Variants in CDK17 observed in about 807,000 individuals in gnomAD.
The protein encoded by CDK17 is cyclin dependent kinase 17.
A neutral mutation model predicts 77.6 loss-of-function variants in CDK17; 24 were observed. The ratio of observed to expected loss-of-function variants is 0.31; its 90% CI spans 0.22 to 0.44. The LOEUF (loss-of-function observed/expected upper bound fraction) is 0.44, where lower values mean the gene tolerates loss of function less well. CDK17 is among the 20% of genes least tolerant of loss of function. The pLI is 1.00. For missense variants in CDK17, 429 were observed against 622.5 expected, an observed-to-expected ratio of 0.69 and a Z score of 3.31; for synonymous variants, 203 against 210.4, an observed-to-expected ratio of 0.96 and a Z score of 0.30.
chr12:96,359,517 G>C (rs1182367616), intron 1 of CDK17, among the ~76,000 whole-genome samples: 1 of 152,134 alleles, frequency 6.6e-6, no homozygotes, highest in Non-Finnish European at 1.5e-5. Flanking sequence ...GTGTCCATCT[G>C]GGGTATTACA....
intron 1 of CDK17, among the ~76,000 whole-genome samples, chr12:96,387,655 C>T (rs1293461677): frequency 6.6e-6 from 1 of 152,158 alleles, no homozygotes; most frequent in South Asian, 2.1e-4. Context: ...TTCAGAAAAA[C>T]GTGAGGCAGG....
At chr12:96,340,724 A>G (rs1007628104) in intron 1 of CDK17, among the ~76,000 whole-genome samples, 1 of 152,214 alleles carries the variant, frequency 6.6e-6, no homozygotes, top group African/African-American at 2.4e-5. Flanking sequence ...AATATTTACT[A>G]TAATAGGGCA....
At chr12:96,385,287 C>G (rs1424126168) in intron 1 of CDK17, among the ~76,000 whole-genome samples, 1 of 152,074 alleles carries the variant, frequency 6.6e-6, no homozygotes. Flanking sequence ...GCACTCCAGC[C>G]TGGGCGACAG....
At chr12:96,348,351 C>T (rs1024516827) in intron 1 of CDK17, among the ~76,000 whole-genome samples, 1 of 151,332 alleles carries the variant, frequency 6.6e-6, no homozygotes, top group Non-Finnish European at 1.5e-5. Context: ...ATGGTGAAAC[C>T]CCATCTCTAC....
chr12:96,297,821 T>C, intron 7 of CDK17, 100 bp from the exon 8 acceptor site: 2 of 674,988 alleles, frequency 3.0e-6, no homozygotes, highest in South Asian at 4.1e-5. Context: ...CTCTTAAGTT[T>C]AGGTCTTGGG....
At chr12:96,348,523 C>CAAAAAAAAAAAAAA (rs35363324) in intron 1 of CDK17, among the ~76,000 whole-genome samples, 1 of 66,370 alleles carries the variant, frequency 1.5e-5, no homozygotes, top group African/African-American at 7.3e-5. Context: ...GACTCTGTCT[C>CAAAAAAAAAAAAAA]AAAAAAAAAA....
At chr12:96,303,932 T>C (rs1952541348) in intron 5 of CDK17, among the ~76,000 whole-genome samples, 1 of 152,206 alleles carries the variant, frequency 6.6e-6, no homozygotes, top group African/African-American at 2.4e-5. Flanking sequence ...CTGAAACCTG[T>C]ATGTACTAGG....
At chr12:96,394,857 T>G (rs1185309746) in intron 1 of CDK17, among the ~76,000 whole-genome samples, 2 of 139,040 alleles carry the variant, frequency 1.4e-5, no homozygotes, top group Non-Finnish European at 3.0e-5. Flanking sequence ...TTATTTTTAT[T>G]TATTATTTAT....
At chr12:96,341,236 T>C (rs952447964) in intron 1 of CDK17, among the ~76,000 whole-genome samples, 2 of 152,088 alleles carry the variant, frequency 1.3e-5, no homozygotes, top group Admixed American at 6.6e-5. Flanking sequence ...CACATTTCAG[T>C]GTAAATGTCA....
At chr12:96,369,057 C>T (rs990144067) in intron 1 of CDK17, among the ~76,000 whole-genome samples, 8 of 151,942 alleles carry the variant, frequency 5.3e-5, no homozygotes, top group Non-Finnish European at 4.4e-5. Context: ...AAAAGTAGGC[C>T]TGTGATAGGT....
At chr12:96,358,540 G>C (rs1231624554) in intron 1 of CDK17, among the ~76,000 whole-genome samples, 5 of 151,856 alleles carry the variant, frequency 3.3e-5, no homozygotes, top group African/African-American at 1.2e-4. Flanking sequence ...AAGGATACAG[G>C]GGCCGGGCAC....
chr12:96,303,208 G>C lies in CDK17; in HGVS notation c.544-2848C>G, dbSNP rs929850876. 4.6e-5 allele frequency: 7 copies of C among 152,132 alleles called. 1 individual carries two copies. The highest frequency in any genetic ancestry group is 2.6e-4 in the Admixed American group (4 of 15,268). 9.4% of individuals were successfully genotyped at this position (152,132 alleles called of 1,614,324 possible). A position where few individuals can be genotyped will look rare whatever the true frequency, so the allele number is the denominator to read the frequency against. ...TTATTCAACATTTACCCAGCACAAT[G>C]TTAGGTGCTAGAGAAGACAGACATG... On this transcript the variant is annotated intron_variant, in intron 5 of 16. Transcript: ENST00000261211.
intron 3 of CDK17, among the ~76,000 whole-genome samples, chr12:96,319,158 A>T (rs958834346): frequency 1.3e-3 from 201 of 151,324 alleles, no homozygotes; most frequent in African/African-American, 4.7e-3. Flanking sequence ...CCATCAGAGA[A>T]TACTACAAAC....
intron 1 of CDK17, among the ~76,000 whole-genome samples, chr12:96,391,101 A>G (rs1408683687): frequency 6.6e-6 from 1 of 152,014 alleles, no homozygotes; most frequent in Non-Finnish European, 1.5e-5. Flanking sequence ...AAAAAAAGAA[A>G]AACAAAGCTT....
At chr12:96,390,833 C>A (rs150759071) in intron 1 of CDK17, among the ~76,000 whole-genome samples, 1 of 148,854 alleles carries the variant, frequency 6.7e-6, no homozygotes, top group East Asian at 2.0e-4. Context: ...CTGGGTGTGG[C>A]GGCTCAAACC....
At chr12:96,337,071 A>C (rs950688094) in intron 1 of CDK17, among the ~76,000 whole-genome samples, 8 of 152,230 alleles carry the variant, frequency 5.3e-5, no homozygotes, top group Non-Finnish European at 1.2e-4. Context: ...AAAGGATTTA[A>C]TTTTTATTTT....
At chr12:96,331,710 A>G (rs999419979) in intron 2 of CDK17, among the ~76,000 whole-genome samples, 2 of 152,192 alleles carry the variant, frequency 1.3e-5, no homozygotes, top group East Asian at 1.9e-4. Context: ...GATTATGGGT[A>G]TAAGTATAAC....
chr12:96,368,977 T>C (rs551882883), intron 1 of CDK17, among the ~76,000 whole-genome samples: 1 of 152,240 alleles, frequency 6.6e-6, no homozygotes, highest in East Asian at 1.9e-4. Context: ...ATTCCAATTT[T>C]ACTACAAAAT....
chr12:96,371,613 T>A (rs1953694261), intron 1 of CDK17, among the ~76,000 whole-genome samples: 1 of 151,982 alleles, frequency 6.6e-6, no homozygotes, highest in Non-Finnish European at 1.5e-5. Context: ...ACCAACATAA[T>A]CTCAGCTACT....
Sources: gnomAD v4.1 joint callset for allele counts (sites outside exome capture counted in the v4.1 genomes callset) on GRCh38, gnomAD v4.1.1 for gene constraint, MANE v1.5 for transcripts, NCBI Gene and HGNC (gene_info 2026-07-23, HGNC 2026-07-21) for gene names.